The following HTR4 variants were observed in gnomAD, a reference collection of about 807,000 sequenced individuals.
HTR4 encodes 5-hydroxytryptamine receptor 4.
Under a neutral mutation model 36.8 loss-of-function variants are expected in HTR4, and 16 were observed. The observed-to-expected ratio is 0.43, with a 90% CI of 0.29 to 0.66. The LOEUF (loss-of-function observed/expected upper bound fraction) is 0.66. Ranked by LOEUF, HTR4 falls within the 30% of genes least tolerant of loss-of-function variation. The probability of loss-of-function intolerance (pLI) is 0.13; values close to 1 mark genes in which losing one functional copy is unlikely to be tolerated. For synonymous variants in HTR4, 189 were observed against 185.1 expected (o/e 1.02, Z -0.17); for missense variants, 438 against 490.9 (o/e 0.89, Z 1.02).
intron 2 of HTR4, among the ~76,000 whole-genome samples, chr5:148,550,714 G>T (rs527787247): frequency 2.0e-5 from 3 of 152,298 alleles, no homozygotes; most frequent in South Asian, 4.1e-4. Context: ...CCCCCAGGTT[G>T]CAAGTTAAAC....
At chr5:148,582,854 T>C (rs1483250078) in intron 2 of HTR4, among the ~76,000 whole-genome samples, 1 of 152,086 alleles carries the variant, frequency 6.6e-6, no homozygotes. Flanking sequence ...CGGGGTTTTA[T>C]AGATATACAA....
chr5:148,643,222 A>G (rs1753780855), intron 1 of HTR4, among the ~76,000 whole-genome samples: 2 of 152,328 alleles, frequency 1.3e-5, no homozygotes, highest in African/African-American at 4.8e-5. Context: ...GTAAATAAAC[A>G]TATTACAGCT....
chr5:148,579,207 T>C (rs1044555354), intron 2 of HTR4, among the ~76,000 whole-genome samples: 1 of 152,142 alleles, frequency 6.6e-6, no homozygotes, highest in Non-Finnish European at 1.5e-5. Flanking sequence ...CCAATGTTTC[T>C]TTTTTCACAT....
At chr5:148,501,589 T>C (rs1756935807) in intron 6 of HTR4, among the ~76,000 whole-genome samples, 2 of 152,234 alleles carry the variant, frequency 1.3e-5, no homozygotes, top group Non-Finnish European at 2.9e-5. Flanking sequence ...TCCTATTACA[T>C]ATCAGACAAT....
chr5:148,561,168 G>A (rs546806001), intron 2 of HTR4, among the ~76,000 whole-genome samples: 7 of 152,268 alleles, frequency 4.6e-5, no homozygotes, highest in East Asian at 3.9e-4. Context: ...TAAAATTCTT[G>A]AGGCAAAATC....
In HTR4 at chr5:148,607,539, C is replaced by A. The variant is rs545345040; in HGVS notation, c.26+29450G>T. ...CTTTCTTTTCCTAAGAAGGCCCCAA[C>A]TCAACTTTGATGAGCCTCTCCATTC... On this transcript the variant is annotated intron_variant, in intron 2 of 6. Coordinates refer to ENST00000377888, the MANE Select transcript of HTR4 (RefSeq NM_000870.7). Among the ~76,000 whole-genome samples, 103 of 152,302 alleles carry A rather than the reference C, an allele frequency of 6.8e-4. 1 individual carries two copies. The highest frequency in any genetic ancestry group is 2.4e-3 in the African/African-American group (99 of 41,582).
At chr5:148,616,977 C>T (rs1752716853) in intron 2 of HTR4, among the ~76,000 whole-genome samples, 1 of 152,178 alleles carries the variant, frequency 6.6e-6, no homozygotes, top group Admixed American at 6.5e-5. Context: ...CTAAACCCAA[C>T]CATAGTTAGC....
At chr5:148,518,627 GCTT>G (rs1757871156) in intron 5 of HTR4, among the ~76,000 whole-genome samples, 1 of 151,996 alleles carries the variant, frequency 6.6e-6, no homozygotes, top group Admixed American at 6.6e-5. Flanking sequence ...ACCCTCAAAA[GCTT>G]CTTCTATCAC....
chr5:148,609,031 G>T (rs1201402487), intron 2 of HTR4, among the ~76,000 whole-genome samples: 1 of 152,156 alleles, frequency 6.6e-6, no homozygotes, highest in Non-Finnish European at 1.5e-5. Context: ...TCCTTTTCAA[G>T]TTTGCAGTAC....
Position 148,550,251 on chromosome 5 carries a change from C to A in HTR4, c.38G>T (p.Gly13Val). 6.2e-7 allele frequency: 1 copy of A among 1,614,080 alleles called. No individual in the cohort carries two copies. Among genetic ancestry groups the A allele is most frequent in the Non-Finnish European group, 8.5e-7 (1 of 1,179,994 alleles). The change falls in exon 3 of 7, where the codon GGT becomes GTT. Residue 13 changes from glycine to valine, a missense_variant. By Grantham distance (109) the Gly-to-Val change is moderately radical. Coordinates refer to ENST00000377888, the MANE Select transcript of HTR4 (RefSeq NM_000870.7). ...KLDANVSSEE[G>V]FGSVEKVVLL... The stretch of plus-strand genomic sequence containing the variant: ...CACCACCTTCTCCACTGACCCGAAA[C>A]CCTCCTCAGAACTGAAAGACACACA...
downstream of HTR4, among the ~76,000 whole-genome samples, chr5:148,474,100 C>T (rs1755636640): frequency 6.6e-6 from 1 of 152,112 alleles, no homozygotes; most frequent in South Asian, 2.1e-4. Context: ...TCCACTGACT[C>T]ATATCCCTTG....
At chr5:148,565,023 T>G (rs942733715) in intron 2 of HTR4, among the ~76,000 whole-genome samples, 21 of 147,950 alleles carry the variant, frequency 1.4e-4, no homozygotes, top group African/African-American at 5.3e-4. Context: ...GGCAGGAGAA[T>G]CACTTGAACC....
intron 6 of HTR4, among the ~76,000 whole-genome samples, chr5:148,500,515 A>G (rs1390811361): frequency 6.6e-6 from 1 of 151,992 alleles, no homozygotes. Context: ...GAGGTCAAGT[A>G]AGGATACCTT....
intron 4 of HTR4, among the ~76,000 whole-genome samples, chr5:148,524,634 C>T (rs1038410986): frequency 2.6e-5 from 4 of 151,732 alleles, no homozygotes; most frequent in South Asian, 2.1e-4. Context: ...AGGCAGAATG[C>T]TACAGTAGAT....
intron 2 of HTR4, among the ~76,000 whole-genome samples, chr5:148,550,533 T>C (rs1759630182): frequency 6.6e-6 from 1 of 152,196 alleles, no homozygotes; most frequent in Admixed American, 6.5e-5. Flanking sequence ...TTCAGGGCAT[T>C]TAGTTCAACT....
At chr5:148,458,560 G>A (rs1471831233) in intron 5 of HTR4, among the ~76,000 whole-genome samples, 1 of 152,070 alleles carries the variant, frequency 6.6e-6, no homozygotes, top group Non-Finnish European at 1.5e-5. Flanking sequence ...ATGAGATCTC[G>A]GTTAGTGTGT....
At position 148,496,367 on chromosome 5, in the gene HTR4, T is replaced by C. The variant is rs567270688; in HGVS notation, c.1077-13074A>G. On this transcript the variant is annotated intron_variant, in intron 6 of 6. Transcript: ENST00000377888. ...GAGTGATCTGCAGATCATGCTTTGA[T>C]GGAAAAACGATCAAGAAAAATAAAA... Among the ~76,000 whole-genome samples, 104 of 152,138 alleles carry C rather than the reference T, an allele frequency of 6.8e-4. 1 individual carries two copies. Among genetic ancestry groups the C allele is most frequent in the African/African-American group, 2.3e-3 (96 of 41,488 alleles).
intron 4 of HTR4, among the ~76,000 whole-genome samples, chr5:148,535,236 A>G (rs896829095): frequency 6.6e-6 from 1 of 151,954 alleles, no homozygotes; most frequent in Admixed American, 6.6e-5. Context: ...TATTGACTGT[A>G]TTCAATCTAC....
chr5:148,606,639 A>G (rs1242363950), intron 2 of HTR4, among the ~76,000 whole-genome samples: 3 of 152,200 alleles, frequency 2.0e-5, no homozygotes, highest in Admixed American at 2.0e-4. Context: ...TATTGTTTCT[A>G]TGAAGGAGAG....
Sources: gnomAD v4.1 joint callset for allele counts (sites outside exome capture counted in the v4.1 genomes callset) on GRCh38, gnomAD v4.1.1 for gene constraint, MANE v1.5 for transcripts, NCBI Gene and HGNC (gene_info 2026-07-23, HGNC 2026-07-21) for gene names.